The following PRKG1 variants were observed in gnomAD, a reference collection of about 807,000 sequenced individuals.
PRKG1 encodes the protein cGMP-dependent protein kinase 1.
Under a neutral mutation model 88.1 loss-of-function variants are expected in PRKG1, and 35 were observed. That is an observed-to-expected ratio of 0.40 (90% CI 0.30 to 0.53). PRKG1 has a LOEUF of 0.53. Ranked by LOEUF, PRKG1 falls within the 20% of genes least tolerant of loss-of-function variation. PRKG1 has a pLI of 0.59. For synonymous variants in PRKG1, 303 were observed against 292.5 expected, an observed-to-expected ratio of 1.04 and a Z score of -0.37; for missense variants, 540 against 839.8, an observed-to-expected ratio of 0.64 and a Z score of 4.41.
chr10:51,165,061 C>G (rs1846496276), intron 2 of PRKG1, among the ~76,000 whole-genome samples: 1 of 152,228 alleles, frequency 6.6e-6, no homozygotes, highest in Admixed American at 6.5e-5. Flanking sequence ...CACAAAGATA[C>G]TCCTCGAGAA....
intron 9 of PRKG1, among the ~76,000 whole-genome samples, chr10:52,208,649 T>C (rs1364303082): frequency 2.0e-5 from 3 of 152,200 alleles, no homozygotes; most frequent in East Asian, 3.9e-4. Context: ...AGTAACACTG[T>C]ATCCATTAAG....
chr10:51,141,062 A>G (rs894407450), intron 1 of PRKG1, among the ~76,000 whole-genome samples: 3 of 152,146 alleles, frequency 2.0e-5, no homozygotes, highest in African/African-American at 7.2e-5. Flanking sequence ...TCTCTAGACC[A>G]CAGTTTTGCT....
intron 3 of PRKG1, among the ~76,000 whole-genome samples, chr10:51,640,624 A>G (rs1353002849): frequency 6.6e-6 from 1 of 152,178 alleles, no homozygotes; most frequent in Non-Finnish European, 1.5e-5. Context: ...CAGAAAAAAA[A>G]TTAAAACCAT....
intron 3 of PRKG1, among the ~76,000 whole-genome samples, chr10:51,518,889 G>A (rs1327061145): frequency 1.3e-5 from 2 of 152,110 alleles, no homozygotes; most frequent in Non-Finnish European, 2.9e-5. Flanking sequence ...TCATGGTTCT[G>A]CTATTATTCT....
intron 3 of PRKG1, among the ~76,000 whole-genome samples, chr10:51,523,339 C>A (rs973470084): frequency 6.6e-6 from 1 of 152,182 alleles, no homozygotes; most frequent in African/African-American, 2.4e-5. Flanking sequence ...ATGATTTTTG[C>A]AGTTCAGCTC....
intron 3 of PRKG1, among the ~76,000 whole-genome samples, chr10:51,782,840 G>T (rs1838627666): frequency 6.6e-6 from 1 of 152,096 alleles, no homozygotes; most frequent in Non-Finnish European, 1.5e-5. Flanking sequence ...ATATGGAACT[G>T]TAAGTCCAAT....
At chr10:51,874,326 AT>A (rs1296882273) in intron 4 of PRKG1, among the ~76,000 whole-genome samples, 1 of 152,190 alleles carries the variant, frequency 6.6e-6, no homozygotes, top group Non-Finnish European at 1.5e-5. Context: ...GGATGTTCAA[AT>A]TTTTTTGAAG....
In PRKG1 at chr10:51,074,767, G is replaced by A; in HGVS notation, c.177G>A (p.Gln59=). The A allele has an allele frequency of 1.9e-6, 3 of 1,614,104 alleles. No homozygotes were observed. The highest frequency in any genetic ancestry group is 1.6e-4 in the Middle Eastern group (1 of 6,062). The part of the protein sequence containing the change: ...YRSVIRPATQ[Q]AQKQSASTLQ... ...CGGTGATCCGACCAGCCACCCAGCA[G>A]GCGCAGAAGCAGAGCGCGAGCACCT... The change falls in exon 1 of 18, where the codon CAG becomes CAA. Residue 59 remains glutamine, a synonymous_variant. Coordinates refer to ENST00000373980, the MANE Select transcript of PRKG1 (RefSeq NM_006258.4).
chr10:51,902,052 C>T (rs150759952), intron 4 of PRKG1, among the ~76,000 whole-genome samples: 57 of 152,104 alleles, frequency 3.7e-4, no homozygotes, highest in African/African-American at 1.3e-3. Flanking sequence ...CTTCTAATCA[C>T]CTTTTCAAAG....
intron 2 of PRKG1, among the ~76,000 whole-genome samples, chr10:51,433,630 G>C (rs183168528): frequency 4.6e-5 from 7 of 150,706 alleles, no homozygotes; most frequent in African/African-American, 1.7e-4. Flanking sequence ...CAGCAATAGG[G>C]GCCTTTTAGT....
intron 7 of PRKG1, among the ~76,000 whole-genome samples, chr10:52,113,928 CTAAG>C (rs991158328): frequency 6.6e-6 from 1 of 152,034 alleles, no homozygotes; most frequent in African/African-American, 2.4e-5. Context: ...TGTTAAATCG[CTAAG>C]TAATTAGCTT....
At chr10:51,028,762 G>C in intron 1 of PRKG1, among the ~76,000 whole-genome samples, 1 of 152,178 alleles carries the variant, frequency 6.6e-6, no homozygotes, top group East Asian at 1.9e-4. Context: ...AACCAGGCAG[G>C]ATAATTTTTC....
At chr10:51,011,344 G>A (rs1209752647) in intron 1 of PRKG1, among the ~76,000 whole-genome samples, 2 of 152,058 alleles carry the variant, frequency 1.3e-5, no homozygotes, top group African/African-American at 2.4e-5. Flanking sequence ...CTGACCACCA[G>A]TTAGGGCAAC....
At chr10:51,844,170 T>C (rs12779926) in intron 4 of PRKG1, among the ~76,000 whole-genome samples, 15,856 of 152,156 alleles carry the variant, frequency 0.1, 895 homozygotes, top group African/African-American at 0.13. Flanking sequence ...TTTCAAGATT[T>C]TCTGTCAATG....
intron 1 of PRKG1, among the ~76,000 whole-genome samples, chr10:51,107,991 A>T (rs1844887778): frequency 6.6e-6 from 1 of 152,154 alleles, no homozygotes. Flanking sequence ...ATTTTACATG[A>T]AATTTACTTA....
intron 2 of PRKG1, among the ~76,000 whole-genome samples, chr10:51,286,118 G>T (rs919197083): frequency 1.3e-5 from 2 of 152,070 alleles, no homozygotes; most frequent in Non-Finnish European, 2.9e-5. Flanking sequence ...TTACAGGCCT[G>T]CCCCACCATG....
At chr10:51,278,103 C>T (rs1287788175) in intron 2 of PRKG1, among the ~76,000 whole-genome samples, 2 of 152,070 alleles carry the variant, frequency 1.3e-5, no homozygotes, top group Non-Finnish European at 2.9e-5. Context: ...TCATAAATAG[C>T]TCTTATCATT....
At chr10:51,374,097 T>A (rs182999554) in intron 2 of PRKG1, among the ~76,000 whole-genome samples, 5,959 of 108,128 alleles carry the variant, frequency 0.055, 419 homozygotes, top group African/African-American at 0.16. Flanking sequence ...AAAAAAAATA[T>A]ATATATATAT....
chr10:51,295,493 C>G (rs529186131), intron 2 of PRKG1, among the ~76,000 whole-genome samples: 1 of 152,124 alleles, frequency 6.6e-6, no homozygotes, highest in East Asian at 1.9e-4. Flanking sequence ...TGAAACTTCA[C>G]TGAATTGTTT....
Sources: allele counts gnomAD v4.1 joint callset (sites outside exome capture counted in the v4.1 genomes callset), GRCh38; gene constraint gnomAD v4.1.1; transcripts MANE v1.5; gene names NCBI Gene and HGNC (gene_info 2026-07-23, HGNC 2026-07-21).